R3HCC1L: variants seen among roughly 807,000 people sequenced by gnomAD.
R3HCC1L encodes coiled-coil domain-containing protein R3HCC1L.
Under a neutral mutation model 59.9 loss-of-function variants are expected in R3HCC1L, and 51 were observed. That is an observed-to-expected ratio of 0.85 (90% CI 0.68 to 1.07). The LOEUF (loss-of-function observed/expected upper bound fraction) is 1.07. Among genes scored for constraint, R3HCC1L ranks in the 50% least tolerant of loss-of-function variants. The probability of loss-of-function intolerance (pLI) is 0.00; values close to 1 mark genes in which losing one functional copy is unlikely to be tolerated. For synonymous variants in R3HCC1L, 322 were observed against 315.2 expected, an observed-to-expected ratio of 1.02 and a Z score of -0.23; for missense variants, 965 against 933.0, an observed-to-expected ratio of 1.03 and a Z score of -0.45.
In R3HCC1L at chr10:98,181,235, A is replaced by G. The variant is rs1002706991; in HGVS notation, c.-15+17838A>G. Among the ~76,000 whole-genome samples the G allele has an allele frequency of 7.2e-5, 11 of 152,280 alleles. No homozygotes were observed. The East Asian group carries it at 1.3e-3, about 19-fold the overall frequency. ...TTGTAAGGCAGGCCTGGTGGTGACA[A>G]AATCTCTCAGCATTTGCTTGTCTGT... is the stretch of plus-strand genomic sequence containing the variant. On this transcript the variant is annotated intron_variant, in intron 4 of 9. Coordinates refer to ENST00000298999, the MANE Select transcript of R3HCC1L (RefSeq NM_001351015.2).
intron 1 of R3HCC1L, among the ~76,000 whole-genome samples, chr10:98,151,004 G>A (rs1846101409): frequency 6.6e-6 from 1 of 152,154 alleles, no homozygotes; most frequent in African/African-American, 2.4e-5. Flanking sequence ...TCTTGGTGCT[G>A]AGCATGTTGG....
rs149396864 is a variant in R3HCC1L at position 98,210,875 on chromosome 10, G to A, written c.1785+976G>A. On this transcript the variant is annotated intron_variant, in intron 5 of 9. Coordinates refer to ENST00000298999, the MANE Select transcript of R3HCC1L (RefSeq NM_001351015.2). ...ATGAGTCTTTTGTTCTGAGAATTAA[G>A]CTGGAAGTATAGAAAAATTATCACA... is the stretch of plus-strand genomic sequence containing the variant. Among the ~76,000 whole-genome samples, 632 of 152,292 alleles carry A rather than the reference G, an allele frequency of 4.1e-3. 1 individual carries two copies. Among genetic ancestry groups the A allele is most frequent in the Non-Finnish European group, 6.8e-3 (460 of 68,016 alleles).
At chr10:98,135,781 T>C (rs2133790963) in intron 1 of R3HCC1L, among the ~76,000 whole-genome samples, 2 of 152,316 alleles carry the variant, frequency 1.3e-5, no homozygotes, top group South Asian at 4.1e-4. Context: ...TGTTATAACC[T>C]TCCTTCAGTA....
intron 5 of R3HCC1L, among the ~76,000 whole-genome samples, chr10:98,217,657 G>A (rs1854370918): frequency 6.6e-6 from 1 of 152,152 alleles, no homozygotes; most frequent in Admixed American, 6.5e-5. Context: ...AGCATGAGAT[G>A]TCTTCCGATT....
At chr10:98,235,341 T>C in intron 7 of R3HCC1L, 84 bp from the exon 8 acceptor site, 1 of 1,141,348 alleles carries the variant, frequency 8.8e-7, no homozygotes, top group Non-Finnish European at 1.3e-6. Flanking sequence ...GCATAACATC[T>C]AGGAAATACT....
intron 4 of R3HCC1L, among the ~76,000 whole-genome samples, chr10:98,188,184 A>G (rs906326183): frequency 6.6e-6 from 1 of 152,170 alleles, no homozygotes; most frequent in African/African-American, 2.4e-5. Context: ...TTTAACAAAC[A>G]TCTTATTGAA....
chr10:98,184,213 C>G (rs1223485236), intron 4 of R3HCC1L, among the ~76,000 whole-genome samples: 2 of 152,044 alleles, frequency 1.3e-5, no homozygotes, highest in Admixed American at 6.6e-5. Flanking sequence ...CTACCCTCAG[C>G]TTTAGGTCTT....
At chr10:98,150,694 T>G (rs989672748) in intron 1 of R3HCC1L, among the ~76,000 whole-genome samples, 8 of 152,062 alleles carry the variant, frequency 5.3e-5, no homozygotes, top group Non-Finnish European at 1.2e-4. Flanking sequence ...CATGCCCAGG[T>G]GACTTGTGGA....
chr10:98,191,355 G>T (rs937939742), intron 4 of R3HCC1L, among the ~76,000 whole-genome samples: 1 of 152,174 alleles, frequency 6.6e-6, no homozygotes, highest in Non-Finnish European at 1.5e-5. Context: ...TCTAACTGGC[G>T]TGAGATGGTA....
intron 6 of R3HCC1L, among the ~76,000 whole-genome samples, chr10:98,232,305 T>C (rs2135642881): frequency 6.6e-6 from 1 of 152,306 alleles, no homozygotes; most frequent in South Asian, 2.1e-4. Flanking sequence ...TAAGTTTTTA[T>C]AGACAAAATA....
chr10:98,221,149 ATG>A (rs1854887914), intron 5 of R3HCC1L, among the ~76,000 whole-genome samples: 1 of 151,088 alleles, frequency 6.6e-6, no homozygotes, highest in African/African-American at 2.4e-5. Context: ...GCATTTTTTC[ATG>A]TGTCTTTTGG....
At chr10:98,234,572 C>CT (rs1188389961) in intron 7 of R3HCC1L, 56 bp downstream of exon 7, 23 of 1,524,048 alleles carry the variant, frequency 1.5e-5, no homozygotes, top group Non-Finnish European at 2.1e-5. Flanking sequence ...TCTCATGCTA[C>CT]TTTTTCTATT....
chr10:98,203,543 C>T (rs758054070), intron 4 of R3HCC1L, among the ~76,000 whole-genome samples: 8 of 152,178 alleles, frequency 5.3e-5, no homozygotes, highest in Non-Finnish European at 7.4e-5. Flanking sequence ...TCAGATGTCT[C>T]ATGTGAGTCT....
chr10:98,219,175 G>A (rs144970951), intron 5 of R3HCC1L, among the ~76,000 whole-genome samples: 6 of 152,356 alleles, frequency 3.9e-5, no homozygotes, highest in Non-Finnish European at 8.8e-5. Context: ...GCCTCCCAAA[G>A]TGTTGGGATT....
At chr10:98,226,250 G>C (rs12266953) in intron 5 of R3HCC1L, among the ~76,000 whole-genome samples, 2,316 of 152,256 alleles carry the variant, frequency 0.015, 49 homozygotes, top group African/African-American at 0.052. Context: ...GCAGTTCCTT[G>C]TTTTGTTTGG....
At chr10:98,217,333 A>G (rs969355895) in intron 5 of R3HCC1L, among the ~76,000 whole-genome samples, 4 of 152,132 alleles carry the variant, frequency 2.6e-5, no homozygotes, top group Non-Finnish European at 4.4e-5. Flanking sequence ...CTGTAAATGC[A>G]TGAACAGAAT....
intron 4 of R3HCC1L, among the ~76,000 whole-genome samples, chr10:98,169,365 G>A (rs774688838): frequency 5.3e-5 from 8 of 152,194 alleles, no homozygotes; most frequent in Non-Finnish European, 1.2e-4. Flanking sequence ...TTAAGCTTCA[G>A]ATTTCTCCTA....
intron 4 of R3HCC1L, among the ~76,000 whole-genome samples, chr10:98,164,644 T>C (rs1173843340): frequency 6.6e-6 from 1 of 152,196 alleles, no homozygotes; most frequent in East Asian, 1.9e-4. Flanking sequence ...AATGCTGTAC[T>C]AACACACTGT....
intron 4 of R3HCC1L, among the ~76,000 whole-genome samples, chr10:98,163,917 A>C (rs767747006): frequency 3.3e-5 from 5 of 152,230 alleles, no homozygotes; most frequent in Non-Finnish European, 7.3e-5. Flanking sequence ...TTACCCTATA[A>C]GTATTTGTTG....
Sources: allele counts gnomAD v4.1 joint callset (sites outside exome capture counted in the v4.1 genomes callset), GRCh38; gene constraint gnomAD v4.1.1; transcripts MANE v1.5; gene names NCBI Gene and HGNC (gene_info 2026-07-23, HGNC 2026-07-21).